The following SNX13 variants were observed in gnomAD, a reference collection of about 807,000 sequenced individuals.
SNX13 encodes the protein sorting nexin 13.
Under a neutral mutation model 133.6 loss-of-function variants are expected in SNX13, and 45 were observed. The ratio of observed to expected loss-of-function variants is 0.34; its 90% CI spans 0.27 to 0.43. SNX13 has a LOEUF of 0.43. Among genes scored for constraint, SNX13 ranks in the 20% least tolerant of loss-of-function variants. SNX13 has a pLI of 1.00. For synonymous variants in SNX13, 414 were observed against 373.9 expected (o/e 1.11, Z -1.24); for missense variants, 1,032 against 1,145.1 (o/e 0.90, Z 1.43).
chr7:17,896,875 G>A (rs1470606331), intron 2 of SNX13, among the ~76,000 whole-genome samples: 3 of 151,958 alleles, frequency 2.0e-5, no homozygotes, highest in Admixed American at 2.0e-4. Flanking sequence ...TGCAAAATCA[G>A]GTATTTGAAT....
chr7:17,888,197 G>C (rs1258255049), intron 5 of SNX13: 3 of 152,090 alleles, frequency 2.0e-5, no homozygotes, highest in African/African-American at 7.3e-5. Context: ...CCATTTTTTA[G>C]CCTCAAAGCA....
At chr7:17,863,134 C>T (rs1301335145) in intron 9 of SNX13, among the ~76,000 whole-genome samples, 1 of 152,108 alleles carries the variant, frequency 6.6e-6, no homozygotes, top group African/African-American at 2.4e-5. Flanking sequence ...AGCATTTAGA[C>T]CAGCCCTGAG....
chr7:17,926,388 C>G (rs1437014945), intron 1 of SNX13, among the ~76,000 whole-genome samples: 1 of 151,878 alleles, frequency 6.6e-6, no homozygotes, highest in Non-Finnish European at 1.5e-5. Flanking sequence ...AATTGTTGTA[C>G]TATCTAGGGC....
intron 5 of SNX13, chr7:17,889,150 T>C (rs10269984): frequency 0.039 from 5,980 of 153,840 alleles, 392 homozygotes; most frequent in African/African-American, 0.14. Context: ...TAAAAGAGAT[T>C]AAATTCAAAT....
chr7:17,807,112 C>T (rs188464136), intron 20 of SNX13, among the ~76,000 whole-genome samples: 1 of 152,108 alleles, frequency 6.6e-6, no homozygotes, highest in African/African-American at 2.4e-5. Context: ...CAGAACCGTT[C>T]ACTCCCCTGG....
At chr7:17,825,304 C>CT (rs1219210062) in intron 17 of SNX13, among the ~76,000 whole-genome samples, 1 of 151,128 alleles carries the variant, frequency 6.6e-6, no homozygotes, top group African/African-American at 2.4e-5. Context: ...CTAGACTAGA[C>CT]TAGACTATAA....
intron 2 of SNX13, among the ~76,000 whole-genome samples, chr7:17,896,662 C>A (rs748010560): frequency 6.6e-6 from 1 of 152,104 alleles, no homozygotes; most frequent in African/African-American, 2.4e-5. Context: ...ACAAAAGACT[C>A]ATTTCAACTA....
intron 21 of SNX13, among the ~76,000 whole-genome samples, chr7:17,802,012 A>G (rs1005335179): frequency 6.6e-6 from 1 of 152,062 alleles, no homozygotes; most frequent in African/African-American, 2.4e-5. Flanking sequence ...CAGTGGTCCC[A>G]TAAGATTGTA....
At position 17,940,321 on chromosome 7, in the gene SNX13, C is replaced by G. The variant is rs1206625994; in HGVS notation, c.-26G>C. ...TATTACACCCCGGGGAAGTGAGGTC[C>G]TCCCTAGCCTCGCCTCATGGCAACA... On this transcript the variant is annotated 5_prime_UTR_variant, in exon 1 of 26. Transcript: ENST00000428135. The G allele has an allele frequency of 7.7e-6, 12 of 1,562,970 alleles. No individual in the cohort carries two copies. The highest frequency in any genetic ancestry group is 1.0e-5 in the Non-Finnish European group (12 of 1,153,844).
At chr7:17,897,526 T>C (rs1013017347) in intron 1 of SNX13, 80 bp from the exon 2 acceptor site, 1 of 744,418 alleles carries the variant, frequency 1.3e-6, no homozygotes, top group Non-Finnish European at 2.1e-6. Context: ...AACTTTTACA[T>C]AGTTTTAAAT....
rs754982537 is a variant in SNX13 at position 17,798,993 on chromosome 7, G to C, written c.2444+16C>G. On this transcript the variant is annotated intron_variant, in intron 23 of 25. Coordinates refer to ENST00000428135, the MANE Select transcript of SNX13 (RefSeq NM_015132.5). ...TAAGTAAGATCAGATTAAAAGCGAG[G>C]AGGAAAGAGTGCTACCTATTAATAG... is the stretch of plus-strand genomic sequence containing the variant. The C allele has an allele frequency of 1.9e-6, 3 of 1,602,506 alleles. No homozygotes were observed. The highest frequency in any genetic ancestry group is 3.4e-4 in the Middle Eastern group (2 of 5,924).
At chr7:17,887,854 A>G (rs80181998) in intron 5 of SNX13, among the ~76,000 whole-genome samples, 1 of 25,166 alleles carries the variant, frequency 4.0e-5, no homozygotes, top group Non-Finnish European at 6.7e-5. Context: ...ACTGGATAGG[A>G]AAAAAAAAAA....
chr7:17,820,153 T>C (rs914399645), intron 18 of SNX13, among the ~76,000 whole-genome samples: 1 of 152,182 alleles, frequency 6.6e-6, no homozygotes, highest in Non-Finnish European at 1.5e-5. Context: ...AGGGAATGAT[T>C]ATTCCTCTTA....
intron 13 of SNX13, among the ~76,000 whole-genome samples, chr7:17,838,692 G>A (rs978569909): frequency 2.6e-5 from 4 of 151,646 alleles, no homozygotes; most frequent in African/African-American, 4.8e-5. Flanking sequence ...TAGTTTCCTT[G>A]TCATTTCTTG....
chr7:17,868,974 GCTT>G (rs1213668011), intron 8 of SNX13, among the ~76,000 whole-genome samples: 2 of 151,946 alleles, frequency 1.3e-5, no homozygotes, highest in African/African-American at 2.4e-5. Context: ...TATTCTCTAT[GCTT>G]CTCTGTGTTT....
intron 2 of SNX13, among the ~76,000 whole-genome samples, chr7:17,895,707 C>T (rs1223222217): frequency 2.0e-5 from 3 of 152,026 alleles, no homozygotes; most frequent in African/African-American, 7.2e-5. Flanking sequence ...GTTCTCATGA[C>T]TTTAAAAATG....
At chr7:17,798,566 C>T in intron 24 of SNX13, 124 bp downstream of exon 24, 3 of 653,372 alleles carry the variant, frequency 4.6e-6, no homozygotes, top group Non-Finnish European at 7.9e-6. Flanking sequence ...AGTCTTTTTG[C>T]TCATCAATGA....
intron 20 of SNX13, among the ~76,000 whole-genome samples, chr7:17,805,341 C>G (rs904251687): frequency 6.6e-6 from 1 of 151,434 alleles, no homozygotes; most frequent in South Asian, 2.1e-4. Flanking sequence ...TCAAATCAAT[C>G]GGGACATTAT....
At position 17,814,851 on chromosome 7, in the gene SNX13, CT is replaced by C; in HGVS notation, c.2046del (p.Asp684IlefsTer10). 1 of 1,544,678 alleles carries C rather than the reference CT, an allele frequency of 6.5e-7. No homozygotes were observed. Among genetic ancestry groups the C allele is most frequent in the Admixed American group, 2.1e-5 (1 of 47,204 alleles). ...TTACTTACCTTGCGAGCAAAATCCC[CT>C]TTTCCTTTACTGTAGGCTTTGTTCT... ...FLENKAYSKG[K>X]GDFARKMDTF... On this transcript the variant is annotated frameshift_variant, in exon 20 of 26. Coordinates refer to ENST00000428135, the MANE Select transcript of SNX13 (RefSeq NM_015132.5). LOFTEE classifies it high-confidence loss of function.
Sources: gnomAD v4.1 joint callset for allele counts (sites outside exome capture counted in the v4.1 genomes callset) on GRCh38, gnomAD v4.1.1 for gene constraint, MANE v1.5 for transcripts, NCBI Gene and HGNC (gene_info 2026-07-23, HGNC 2026-07-21) for gene names.